Variants in LRFN5 observed in about 807,000 individuals in gnomAD.
LRFN5 encodes leucine rich repeat and fibronectin type III domain containing 5, also known as leucine-rich repeat and fibronectin type-III domain-containing protein 5.
A neutral mutation model predicts 45.6 loss-of-function variants in LRFN5; 24 were observed. The observed-to-expected ratio is 0.53, with a 90% CI of 0.38 to 0.74. The LOEUF (loss-of-function observed/expected upper bound fraction) is 0.74, where lower values mean the gene tolerates loss of function less well. LRFN5 is among the 30% of genes least tolerant of loss of function. The probability of loss-of-function intolerance (pLI) is 0.00; values close to 1 mark genes in which losing one functional copy is unlikely to be tolerated. For synonymous variants in LRFN5, 340 were observed against 313.8 expected, an observed-to-expected ratio of 1.08 and a Z score of -0.88; for missense variants, 776 against 861.5, an observed-to-expected ratio of 0.90 and a Z score of 1.24.
chr14:41,751,709 T>C (rs915763669), intron 1 of LRFN5, among the ~76,000 whole-genome samples: 1 of 152,066 alleles, frequency 6.6e-6, no homozygotes, highest in Non-Finnish European at 1.5e-5. Flanking sequence ...GACATTAGCA[T>C]CAGACAGAAT....
intron 1 of LRFN5, among the ~76,000 whole-genome samples, chr14:41,655,944 A>G (rs1263502514): frequency 6.6e-6 from 1 of 152,042 alleles, no homozygotes; most frequent in Non-Finnish European, 1.5e-5. Context: ...AGCATTTAAT[A>G]TTTTTAAGTG....
intron 1 of LRFN5, among the ~76,000 whole-genome samples, chr14:41,738,566 T>C (rs1884548402): frequency 6.6e-6 from 1 of 152,198 alleles, no homozygotes; most frequent in African/African-American, 2.4e-5. Flanking sequence ...GTTGTTTTCT[T>C]TTTTCTTTCA....
intron 1 of LRFN5, among the ~76,000 whole-genome samples, chr14:41,709,985 T>G (rs1191993302): frequency 3.9e-5 from 6 of 152,056 alleles, no homozygotes; most frequent in African/African-American, 1.4e-4. Flanking sequence ...GGGCCTGTAT[T>G]CAGTTTTTTT....
intron 1 of LRFN5, among the ~76,000 whole-genome samples, chr14:41,626,406 C>T (rs1888334363): frequency 1.3e-5 from 2 of 151,920 alleles, no homozygotes; most frequent in Admixed American, 1.3e-4. Context: ...AGACTGTATG[C>T]CTGGCTGCTA....
At chr14:41,621,136 G>T (rs2138558334) in intron 1 of LRFN5, among the ~76,000 whole-genome samples, 2 of 152,110 alleles carry the variant, frequency 1.3e-5, no homozygotes, top group African/African-American at 4.8e-5. Flanking sequence ...ACACGAAAAA[G>T]AAAAGAGTCC....
chr14:41,720,485 T>G (rs1269960306), intron 1 of LRFN5, among the ~76,000 whole-genome samples: 1 of 152,158 alleles, frequency 6.6e-6, no homozygotes, highest in Non-Finnish European at 1.5e-5. Flanking sequence ...AAAATTAATT[T>G]GAGATCTTCC....
intron 1 of LRFN5, among the ~76,000 whole-genome samples, chr14:41,740,715 A>T (rs1394824652): frequency 6.6e-6 from 1 of 151,934 alleles, no homozygotes; most frequent in East Asian, 1.9e-4. Flanking sequence ...CAACTAGATT[A>T]GAAAAAAGAA....
At chr14:41,796,412 A>G (rs1250244339) in intron 2 of LRFN5, among the ~76,000 whole-genome samples, 1 of 151,912 alleles carries the variant, frequency 6.6e-6, no homozygotes, top group South Asian at 2.1e-4. Context: ...TTGAAATTAT[A>G]TTTTACATAG....
At chr14:41,770,423 A>C (rs893801561) in intron 2 of LRFN5, among the ~76,000 whole-genome samples, 13 of 152,052 alleles carry the variant, frequency 8.5e-5, no homozygotes, top group African/African-American at 2.9e-4. Context: ...ATCTCCTTCC[A>C]CCTATGAGCC....
chr14:41,805,559 C>CCCG (rs1555320834), intron 2 of LRFN5, among the ~76,000 whole-genome samples: 2 of 147,314 alleles, frequency 1.4e-5, no homozygotes, highest in African/African-American at 4.9e-5. Context: ...CTCCACCCCC[C>CCCG]CCACCCCACA....
chr14:41,893,191 A>C (rs1890839386), intron 4 of LRFN5: 1 of 980,370 alleles, frequency 1.0e-6, no homozygotes, highest in African/African-American at 1.8e-5. Flanking sequence ...GCTTAGTGAG[A>C]ATACATAATT....
At chr14:41,620,727 C>T (rs754815497) in intron 1 of LRFN5, among the ~76,000 whole-genome samples, 4 of 151,466 alleles carry the variant, frequency 2.6e-5, no homozygotes, top group African/African-American at 4.8e-5. Context: ...AATGTGTAAT[C>T]GATGGCCAAG....
chr14:41,607,999 T>C lies in LRFN5; in HGVS notation c.-760T>C, dbSNP rs1887565086. 1 of 152,276 alleles carries C rather than the reference T, an allele frequency of 6.6e-6. No homozygotes were observed. Among genetic ancestry groups the C allele is most frequent in the Non-Finnish European group, 1.5e-5 (1 of 68,092 alleles). The allele number at this position is 152,276 out of a possible 1,614,324, so 9.4% of individuals were successfully genotyped here. On this transcript the variant is annotated 5_prime_UTR_variant, in exon 1 of 6. Transcript: ENST00000298119. ...TCCCCGACTCTTCCTCAGCCCTTTC[T>C]CGGCTCCCTCCTCCCCACCAAAATG...
At chr14:41,734,791 G>C (rs1230792585) in intron 1 of LRFN5, among the ~76,000 whole-genome samples, 2 of 151,578 alleles carry the variant, frequency 1.3e-5, no homozygotes, top group South Asian at 2.1e-4. Context: ...GGTATGCTTT[G>C]AATTATTTCA....
chr14:41,839,632 G>C (rs186505731), intron 2 of LRFN5, among the ~76,000 whole-genome samples: 2 of 152,214 alleles, frequency 1.3e-5, no homozygotes, highest in African/African-American at 4.8e-5. Flanking sequence ...CTAAATGTGA[G>C]CCATTGATTT....
intron 2 of LRFN5, among the ~76,000 whole-genome samples, chr14:41,821,451 C>T (rs893658412): frequency 1.3e-5 from 2 of 151,660 alleles, no homozygotes; most frequent in African/African-American, 4.8e-5. Flanking sequence ...TATTGATTTG[C>T]ATATATTGAA....
chr14:41,872,164 A>G (rs1447645887), intron 2 of LRFN5, among the ~76,000 whole-genome samples: 1 of 152,182 alleles, frequency 6.6e-6, no homozygotes, highest in Non-Finnish European at 1.5e-5. Flanking sequence ...GTTTTTAGTA[A>G]TTTTTGTTAC....
intron 4 of LRFN5, chr14:41,892,434 G>T (rs1890818675): frequency 8.1e-6 from 8 of 984,396 alleles, no homozygotes; most frequent in Non-Finnish European, 9.6e-6. Flanking sequence ...CCTAGGACTA[G>T]CAACAGCAGA....
intron 1 of LRFN5, among the ~76,000 whole-genome samples, chr14:41,726,441 A>G (rs1331914042): frequency 2.6e-5 from 4 of 152,190 alleles, no homozygotes; most frequent in Non-Finnish European, 5.9e-5. Flanking sequence ...AGTAACACCC[A>G]TGCATCCTTC....
Sources: gnomAD v4.1 joint callset for allele counts (sites outside exome capture counted in the v4.1 genomes callset) on GRCh38, gnomAD v4.1.1 for gene constraint, MANE v1.5 for transcripts, NCBI Gene and HGNC (gene_info 2026-07-23, HGNC 2026-07-21) for gene names.